Variants in RP1 observed in about 807,000 individuals in gnomAD.
RP1 encodes RP1 axonemal microtubule associated, also known as oxygen-regulated protein 1.
RP1 carries 16 observed loss-of-function variants against 14.8 expected under a neutral mutation model. The observed-to-expected ratio is 1.08, with a 90% CI of 0.73 to 1.65. The LOEUF is 1.65. RP1 is among the 40% of genes most tolerant of loss of function. The pLI is 0.00. For missense variants in RP1, 2,631 were observed against 2,535.0 expected, an observed-to-expected ratio of 1.04 and a Z score of -0.81; for synonymous variants, 876 against 883.6, an observed-to-expected ratio of 0.99 and a Z score of 0.15.
chr8:54,730,306 C>T lies in RP1; in HGVS notation c.2521+3830C>T, dbSNP rs1808763252. Among the ~76,000 whole-genome samples the T allele has an allele frequency of 2.6e-5, 4 of 151,694 alleles. No individual in the cohort carries two copies. In the South Asian group the frequency reaches 8.3e-4, roughly 32 times the overall value. On this transcript the variant is annotated intron_variant, in intron 17 of 22. Transcript: ENST00000636932. ...TCTTCTTATATGTATATAAATATAC[C>T]AAAAGTGGATTCTTAGTATTTCTCT... is the stretch of plus-strand genomic sequence containing the variant.
intron 23 of RP1, among the ~76,000 whole-genome samples, chr8:54,778,649 A>T (rs368834868): frequency 1.3e-5 from 2 of 152,084 alleles, no homozygotes; most frequent in East Asian, 3.9e-4. Context: ...AGAGAAGGTG[A>T]CCTTTGAGCT....
At chr8:54,806,610 CATAA>C (rs1810858478) in intron 24 of RP1, among the ~76,000 whole-genome samples, 2 of 152,092 alleles carry the variant, frequency 1.3e-5, no homozygotes, top group Admixed American at 6.6e-5. Context: ...TACATGTGAA[CATAA>C]GTGTTTTAAG....
intron 1 of RP1, among the ~76,000 whole-genome samples, chr8:54,569,900 G>C (rs1037309546): frequency 1.3e-5 from 2 of 152,212 alleles, no homozygotes; most frequent in African/African-American, 4.8e-5. Flanking sequence ...AGACAGGCTG[G>C]TGTAGGAAAG....
In RP1 at chr8:54,626,224, C is replaced by T. The variant is rs1293654827; in HGVS notation, c.2342C>T (p.Ser781Leu). Residue 781 changes from serine to leucine, a missense_variant, in exon 4 of 4, where the codon TCA (serine) becomes TTA (leucine). Ser to Leu is a moderately radical substitution (Grantham distance 145, BLOSUM62 -2). Transcript: ENST00000220676. ...QGLLTKRKSR[S>L]LNKISLGAPK... is the part of the protein sequence containing the mutation. ...CTTTTAACCAAAAGAAAATCTAGAT[C>T]ACTAAATAAAATAAGCTTAGGAGCA... The T allele has an allele frequency of 6.2e-7, 1 of 1,610,418 alleles. No individual in the cohort carries two copies. Among genetic ancestry groups the T allele is most frequent in the African/African-American group, 1.3e-5 (1 of 74,504 alleles).
intron 24 of RP1, among the ~76,000 whole-genome samples, chr8:54,790,911 G>A (rs1810449085): frequency 6.6e-6 from 1 of 151,922 alleles, no homozygotes; most frequent in African/African-American, 2.4e-5. Context: ...GGAGAAGAAG[G>A]AAAGATAGGG....
chr8:54,768,458 C>T (rs1809819348), intron 22 of RP1, among the ~76,000 whole-genome samples: 2 of 152,156 alleles, frequency 1.3e-5, no homozygotes, highest in Non-Finnish European at 2.9e-5. Context: ...GTAGTCCCAG[C>T]ACTTAGGAAA....
At chr8:54,700,179 G>A (rs1271128303) in intron 13 of RP1, among the ~76,000 whole-genome samples, 2 of 151,928 alleles carry the variant, frequency 1.3e-5, no homozygotes, top group Admixed American at 6.6e-5. Context: ...TAACACCAGT[G>A]CTACAGCTTC....
intron 27 of RP1, among the ~76,000 whole-genome samples, chr8:54,860,695 C>T (rs919632804): frequency 6.6e-6 from 1 of 152,234 alleles, no homozygotes; most frequent in East Asian, 1.9e-4. Context: ...GGATGCCAGT[C>T]CCTGGGTGGA....
At chr8:54,748,058 G>C (rs1809271304) in intron 19 of RP1, among the ~76,000 whole-genome samples, 1 of 152,158 alleles carries the variant, frequency 6.6e-6, no homozygotes, top group Admixed American at 6.5e-5. Context: ...TGGGTCATAG[G>C]TTTTGGTGAA....
At chr8:54,737,082 T>C (rs1023481945) in intron 18 of RP1, among the ~76,000 whole-genome samples, 1 of 152,238 alleles carries the variant, frequency 6.6e-6, no homozygotes, top group African/African-American at 2.4e-5. Context: ...ATAGCCATTT[T>C]TGAGGACAAT....
chr8:54,587,680 A>G (rs1554516949), intron 1 of RP1, among the ~76,000 whole-genome samples: 1 of 152,224 alleles, frequency 6.6e-6, no homozygotes, highest in Non-Finnish European at 1.5e-5. Flanking sequence ...TACAAATAAA[A>G]TTCCTGAAGT....
rs372301731 is a variant in RP1 at position 54,627,847 on chromosome 8, C to G, written c.3965C>G (p.Thr1322Ser). The change falls in exon 4 of 4, where the codon ACC becomes AGC. Residue 1322 changes from threonine (T) to serine (S), a missense_variant. Coordinates refer to ENST00000220676, the MANE Select transcript of RP1 (RefSeq NM_006269.2). ...DKACAQKENH[T>S]YEGACPIDET... ...GCTTGTGCTCAAAAGGAGAACCATA[C>G]CTATGAGGGAGCTTGCCCAATTGAT... is the stretch of plus-strand genomic sequence containing the variant. The G allele has an allele frequency of 6.2e-7, 1 of 1,614,128 alleles. No homozygotes were observed. Among genetic ancestry groups the G allele is most frequent in the Non-Finnish European group, 8.5e-7 (1 of 1,179,980 alleles).
chr8:54,583,359 T>C (rs145319474), intron 1 of RP1, among the ~76,000 whole-genome samples: 30,798 of 152,058 alleles, frequency 0.2, 3,566 homozygotes, highest in East Asian at 0.36. Context: ...CCCACTTGAT[T>C]GTGGTGGATA....
intron 27 of RP1, among the ~76,000 whole-genome samples, chr8:54,858,285 T>C (rs1362421074): frequency 6.6e-6 from 1 of 152,128 alleles, no homozygotes; most frequent in East Asian, 1.9e-4. Context: ...TAGAGGAAAT[T>C]ATTAGAAAAA....
chr8:54,797,663 C>T (rs2129387536), intron 24 of RP1, among the ~76,000 whole-genome samples: 1 of 152,218 alleles, frequency 6.6e-6, no homozygotes, highest in East Asian at 1.9e-4. Flanking sequence ...ACCCTTCTTC[C>T]ACAACTTGAC....
chr8:54,588,891 C>T (rs1804988044), intron 1 of RP1, among the ~76,000 whole-genome samples: 1 of 152,234 alleles, frequency 6.6e-6, no homozygotes. Flanking sequence ...CATATGTACT[C>T]ATTGAGCTGT....
intron 24 of RP1, among the ~76,000 whole-genome samples, chr8:54,810,719 T>G (rs1000264220): frequency 6.6e-6 from 1 of 152,202 alleles, no homozygotes; most frequent in African/African-American, 2.4e-5. Flanking sequence ...TGTGCCTGCT[T>G]GCTGTTTAAT....
chr8:54,776,736 T>G (rs537588514), intron 23 of RP1, among the ~76,000 whole-genome samples: 25 of 152,300 alleles, frequency 1.6e-4, no homozygotes, highest in African/African-American at 5.5e-4. Flanking sequence ...AAGGCTGAGC[T>G]GCTAGAATCC....
intron 18 of RP1, among the ~76,000 whole-genome samples, chr8:54,738,330 C>T (rs561385590): frequency 6.6e-6 from 1 of 152,236 alleles, no homozygotes; most frequent in South Asian, 2.1e-4. Flanking sequence ...AAAGTGATTC[C>T]CAAAGCCAGT....
Sources: allele counts gnomAD v4.1 joint callset (sites outside exome capture counted in the v4.1 genomes callset), GRCh38; gene constraint gnomAD v4.1.1; transcripts MANE v1.5; gene names NCBI Gene and HGNC (gene_info 2026-07-23, HGNC 2026-07-21).